Variants in LCN10 observed in about 807,000 individuals in gnomAD.
The protein encoded by LCN10 is epididymal-specific lipocalin-10.
A neutral mutation model predicts 25.1 loss-of-function variants in LCN10; 18 were observed. The ratio of observed to expected loss-of-function variants is 0.72; its 90% confidence interval spans 0.50 to 1.06. The LOEUF is 1.06. LCN10 is among the 50% of genes least tolerant of loss of function. The probability of loss-of-function intolerance (pLI) is 0.00; values close to 1 mark genes in which losing one functional copy is unlikely to be tolerated. For synonymous variants in LCN10, 130 were observed against 116.7 expected (o/e 1.11, Z -0.73); for missense variants, 257 against 258.9 (o/e 0.99, Z 0.05).
At position 136,739,866 on chromosome 9, in the gene LCN10, A is replaced by G. The variant is rs1846895932; in HGVS notation, c.574+84T>C. ...TGGCACCTTTCAAATGGATCCTTTC[A>G]TCTCTCCTTCCCCCAATGAATCAGC... On this transcript the variant is annotated intron_variant, in intron 5 of 5. Coordinates refer to ENST00000497771, the MANE Select transcript of LCN10 (RefSeq NM_001001712.3). This position sits in a 1 kb window ranked among gnomAD's most constrained non-coding sequence, Gnocchi z 6.1. The G allele has an allele frequency of 1.8e-6, 2 of 1,123,476 alleles. No homozygotes were observed. The highest frequency in any genetic ancestry group is 1.3e-5 in the South Asian group (1 of 75,548). 69.6% of individuals were successfully genotyped at this position (1,123,476 alleles called of 1,614,324 possible).
Position 136,740,485 on chromosome 9 carries a change from C to G in LCN10, c.475+351G>C. 1 of 447,352 alleles carries G rather than the reference C, an allele frequency of 2.2e-6. No individual in the cohort carries two copies. The highest frequency in any genetic ancestry group is 1.9e-5 in the African/African-American group (1 of 51,342). 27.7% of individuals were successfully genotyped at this position (447,352 alleles called of 1,614,324 possible). ...CACACTGGGTCACTTCCACACCCCT[C>G]CATCCCGGGCAGACCCTTACCTGGG... On this transcript the variant is annotated intron_variant, in intron 4 of 5. Coordinates refer to ENST00000497771, the MANE Select transcript of LCN10 (RefSeq NM_001001712.3). This position sits in a 1 kb window ranked among gnomAD's most constrained non-coding sequence, Gnocchi z 5.3.
At position 136,741,278 on chromosome 9, in the gene LCN10, G is replaced by A. The variant is rs577955396; in HGVS notation, c.341C>T (p.Ala114Val). The change falls in exon 3 of 6, where the codon GCG (alanine) becomes GTG (valine). Residue 114 changes from alanine (A) to valine (V), a missense_variant. Coordinates refer to ENST00000497771, the MANE Select transcript of LCN10 (RefSeq NM_001001712.3). ...PVFGNACAYA[A>V]GPREGQEGVK... The stretch of plus-strand genomic sequence containing the variant: ...TCCCTCCTGTCCTTCCCTCGGGCCC[G>A]CCGCGTATGCACAGGCGTTCCCAAA... 192 of 1,613,508 alleles carry A rather than the reference G, an allele frequency of 1.2e-4. 1 individual carries two copies. The highest frequency in any genetic ancestry group is 9.6e-4 in the South Asian group (87 of 91,082).
rs1020078983 is a variant in LCN10 at position 136,740,455 on chromosome 9, T to C, written c.475+381A>G. ...TGTCTAGAATTGGGTTTGTGGCCCTTAACCCACACTGGGTCACTTCCACAC... is the reference window on the plus strand; with the variant it reads ...TGTCTAGAATTGGGTTTGTGGCCCTCAACCCACACTGGGTCACTTCCACAC... On this transcript the variant is annotated intron_variant, in intron 4 of 5. Coordinates refer to ENST00000497771, the MANE Select transcript of LCN10 (RefSeq NM_001001712.3). The surrounding 1 kb of genome is among the most constrained non-coding windows in gnomAD (Gnocchi z 5.3). 2.3e-6 allele frequency: 1 copy of C among 430,368 alleles called. No individual in the cohort carries two copies. The allele number at this position is 430,368 out of a possible 1,614,324, so 26.7% of individuals were successfully genotyped here.
chr9:136,741,514 A>G lies in LCN10; in HGVS notation c.258-153T>C, dbSNP rs374918744. 43 of 628,242 alleles carry G rather than the reference A, an allele frequency of 6.8e-5. No individual in the cohort carries two copies. In the South Asian group the frequency reaches 7.7e-4, roughly 11 times the overall value. 38.9% of individuals were successfully genotyped at this position (628,242 alleles called of 1,614,324 possible). A position where few individuals can be genotyped will look rare whatever the true frequency, so the allele number is the denominator to read the frequency against. On this transcript the variant is annotated intron_variant, in intron 2 of 5. Coordinates refer to ENST00000497771, the MANE Select transcript of LCN10 (RefSeq NM_001001712.3). ...CAGGTCCCCAGTTTTTTGCTTCACT[A>G]TCCAACTCGTGTCAATCTGAGGCTC...
rs1374137593 is a variant in LCN10, at chr9:136,738,892, C to A, written c.*633G>T. 6.5e-6 allele frequency: 1 copy of A among 153,432 alleles called. No individual in the cohort carries two copies. The highest frequency in any genetic ancestry group is 1.5e-5 in the Non-Finnish European group (1 of 68,898). The allele number at this position is 153,432 out of a possible 1,614,324, so 9.5% of individuals were successfully genotyped here. ...GCTGCCCTGGATGGAATGAGTCAGACCTGCTGTTGTGGGGCCCTGGCCGCG... is the reference window on the plus strand; with the variant it reads ...GCTGCCCTGGATGGAATGAGTCAGAACTGCTGTTGTGGGGCCCTGGCCGCG... On this transcript the variant is annotated 3_prime_UTR_variant, in exon 6 of 6. Coordinates refer to ENST00000497771, the MANE Select transcript of LCN10 (RefSeq NM_001001712.3).
intron 3 of LCN10, 49 bp downstream of exon 3, chr9:136,741,203 G>T (rs1157339310): frequency 1.3e-6 from 2 of 1,517,702 alleles, no homozygotes; most frequent in Non-Finnish European, 1.8e-6. Context: ...GCACAGGGGG[G>T]TCAGAGGCAT....
At position 136,741,249 on chromosome 9, in the gene LCN10, C is replaced by T. The variant is rs757713236; in HGVS notation, c.367+3G>A. The T allele has an allele frequency of 3.1e-6, 5 of 1,612,902 alleles. No homozygotes were observed. The East Asian group carries it at 1.1e-4, about 36-fold the overall frequency. On this transcript the variant is annotated splice_donor_region_variant and intron_variant, in intron 3 of 5. Coordinates refer to ENST00000497771, the MANE Select transcript of LCN10 (RefSeq NM_001001712.3). ...TCCTCCAGGGCCCAGAGCCCAAGCACACCTCCCTCCTGTCCTTCCCTCGGG... is the reference window on the plus strand; with the variant it reads ...TCCTCCAGGGCCCAGAGCCCAAGCATACCTCCCTCCTGTCCTTCCCTCGGG...
rs1846883275 is a variant in LCN10, at chr9:136,739,314, C to T, written c.*211G>A. ...GACAGTGGGGAAGGGGCCTGGCTGA[C>T]ATCTCGCCACCCGGTCAGCCTGTAT... is the stretch of plus-strand genomic sequence containing the variant. On this transcript the variant is annotated 3_prime_UTR_variant, in exon 6 of 6. Coordinates refer to ENST00000497771, the MANE Select transcript of LCN10 (RefSeq NM_001001712.3). This position sits in a 1 kb window ranked among gnomAD's most constrained non-coding sequence, Gnocchi z 6.1. 1 of 576,674 alleles carries T rather than the reference C, an allele frequency of 1.7e-6. No individual in the cohort carries two copies. Among genetic ancestry groups the T allele is most frequent in the African/African-American group, 1.9e-5 (1 of 53,418 alleles). The allele number at this position is 576,674 out of a possible 1,614,324, so 35.7% of individuals were successfully genotyped here.
Position 136,740,364 on chromosome 9 carries a change from C to T in LCN10, c.476-316G>A. On this transcript the variant is annotated intron_variant, in intron 4 of 5. Coordinates refer to ENST00000497771, the MANE Select transcript of LCN10 (RefSeq NM_001001712.3). The surrounding 1 kb of genome is among the most constrained non-coding windows in gnomAD (Gnocchi z 5.3). ...CCCTGCCTCGACTGAGACCCCAGGA[C>T]CCCACCTCCCCTCTACCCGTTCCAA... is the stretch of plus-strand genomic sequence containing the variant. 1 of 473,554 alleles carries T rather than the reference C, an allele frequency of 2.1e-6. No individual in the cohort carries two copies. Among genetic ancestry groups the T allele is most frequent in the East Asian group, 3.9e-5 (1 of 25,390 alleles). The allele number at this position is 473,554 out of a possible 1,614,324, so 29.3% of individuals were successfully genotyped here.
Position 136,740,847 on chromosome 9 carries a change from A to G in LCN10, c.464T>C (p.Leu155Pro), listed in dbSNP as rs974339315. Residue 155 changes from leucine to proline, a missense_variant, in exon 4 of 6, where the codon CTG becomes CCG. Transcript: ENST00000497771. This position sits in a 1 kb window ranked among gnomAD's most constrained non-coding sequence, Gnocchi z 5.3. ...LGRATQNYKN[L>P]LLFHRQNVSS... The stretch of plus-strand genomic sequence containing the variant: ...CTGTGCCTGCTCACGGAAGAGCAGC[A>G]GGTTCTTGTAGTTTTGGGTTGCACG... The G allele has an allele frequency of 1.2e-6, 2 of 1,612,530 alleles. No individual in the cohort carries two copies. The highest frequency in any genetic ancestry group is 2.7e-5 in the African/African-American group (2 of 75,000).
rs73554079 is a variant in LCN10 at position 136,741,140 on chromosome 9, C to G, written c.367+112G>C. On this transcript the variant is annotated intron_variant, in intron 3 of 5. Transcript: ENST00000497771. ...TGACGTGTGGGCTCTGGGAACACAGCCAGCCTGACGCCTGCCTGCCACGTG... is the reference window on the plus strand; with the variant it reads ...TGACGTGTGGGCTCTGGGAACACAGGCAGCCTGACGCCTGCCTGCCACGTG... 4.5e-3 allele frequency: 4,975 copies of G among 1,099,008 alleles called. 166 individuals carry two copies. In the African/African-American group the frequency reaches 0.067, roughly 15 times the overall value. 68.1% of individuals were successfully genotyped at this position (1,099,008 alleles called of 1,614,324 possible).
In LCN10 at chr9:136,741,348, G is replaced by A. The variant is rs1439704985; in HGVS notation, c.271C>T (p.Gln91Ter). Residue 91 changes from glutamine to a stop codon, truncating the protein, a stop_gained, in exon 3 of 6, where the codon CAG (glutamine) becomes TAG (stop). Coordinates refer to ENST00000497771, the MANE Select transcript of LCN10 (RefSeq NM_001001712.3). LOFTEE classifies it high-confidence loss of function. ...LLAFRRLKGC[Q>*]SQEVILRKDG... ...TTCCTCAGGATCACCTCCTGGGACT[G>A]GCACCCCTTCAACCTGGGGCCAAGG... is the stretch of plus-strand genomic sequence containing the variant. 9 of 1,612,000 alleles carry A rather than the reference G, an allele frequency of 5.6e-6. No individual in the cohort carries two copies. Among genetic ancestry groups the A allele is most frequent in the Non-Finnish European group, 7.6e-6 (9 of 1,179,618 alleles).
chr9:136,741,073 C>A, intron 3 of LCN10, 130 bp from the exon 4 acceptor site: 1 of 1,004,160 alleles, frequency 1.0e-6, no homozygotes, highest in Non-Finnish European at 1.5e-6. Flanking sequence ...GGACTGAGTG[C>A]CCTCCCGGGG....
rs1176498553 is a variant in LCN10, at chr9:136,740,703, G to T, written c.475+133C>A. Reference sequence around the variant, plus strand: ...TGTGGTCTCGGCTTCCATTGCCCCTGCCCTGACCACCGCCCCAACCCCCAC... The same window carrying T: ...TGTGGTCTCGGCTTCCATTGCCCCTTCCCTGACCACCGCCCCAACCCCCAC... On this transcript the variant is annotated intron_variant, in intron 4 of 5. Transcript: ENST00000497771. This position sits in a 1 kb window ranked among gnomAD's most constrained non-coding sequence, Gnocchi z 5.3. 2 of 662,930 alleles carry T rather than the reference G, an allele frequency of 3.0e-6. No individual in the cohort carries two copies. Among genetic ancestry groups the T allele is most frequent in the African/African-American group, 3.6e-5 (2 of 54,948 alleles). The allele number at this position is 662,930 out of a possible 1,614,324, so 41.1% of individuals were successfully genotyped here. A position where few individuals can be genotyped will look rare whatever the true frequency, so the allele number is the denominator to read the frequency against.
rs762213638 is a variant in LCN10 at position 136,740,999 on chromosome 9, C to T, written c.368-56G>A. The T allele has an allele frequency of 2.9e-5, 42 of 1,458,722 alleles. No homozygotes were observed. Among genetic ancestry groups the T allele is most frequent in the Non-Finnish European group, 3.9e-5 (41 of 1,047,744 alleles). The allele number at this position is 1,458,722 out of a possible 1,614,324, so 90.4% of individuals were successfully genotyped here. ...TTCCCGGATGGCGTGGCTGTGCCCG[C>T]CCACAGCCCTGACCCCTGGTGCCCG... On this transcript the variant is annotated intron_variant, in intron 3 of 5. Transcript: ENST00000497771. The surrounding 1 kb of genome is among the most constrained non-coding windows in gnomAD (Gnocchi z 5.3).
In LCN10 at chr9:136,740,282, A is replaced by G. The variant is rs12684980; in HGVS notation, c.476-234T>C. On this transcript the variant is annotated intron_variant, in intron 4 of 5. Transcript: ENST00000497771. This position sits in a 1 kb window ranked among gnomAD's most constrained non-coding sequence, Gnocchi z 5.3. ...CACCTGGGGAACCCTCTCTGCCTGC[A>G]GAGTCCCCTCCAGCCAGCCCCTCAG... The G allele has an allele frequency of 0.16, 90,834 of 560,332 alleles. 7,874 individuals carry two copies. The highest frequency in any genetic ancestry group is 0.26 in the East Asian group (8,401 of 32,640). The allele number at this position is 560,332 out of a possible 1,614,324, so 34.7% of individuals were successfully genotyped here.
At chr9:136,741,714 C>T (rs1428707016) in intron 2 of LCN10, 167 bp downstream of exon 2, 8 of 968,270 alleles carry the variant, frequency 8.3e-6, no homozygotes, top group East Asian at 7.9e-5. Context: ...CATGTGGGGT[C>T]CCAGGGGCTG....
chr9:136,741,612 G>A (rs1021753232), intron 2 of LCN10: 82 of 608,942 alleles, frequency 1.3e-4, no homozygotes, highest in Non-Finnish European at 2.0e-4. Context: ...ACACCCACCC[G>A]TGTGGGGCCC....
intron 2 of LCN10, 162 bp from the exon 3 acceptor site, chr9:136,741,523 G>T (rs567894957): frequency 1.6e-6 from 1 of 620,676 alleles, no homozygotes; most frequent in Non-Finnish European, 2.8e-6. Flanking sequence ...TATCCAACTC[G>T]TGTCAATCTG....
Sources: allele counts gnomAD v4.1 joint callset, GRCh38; gene constraint gnomAD v4.1.1; non-coding constraint Gnocchi (gnomAD v3.1); transcripts MANE v1.5; gene names NCBI Gene and HGNC (gene_info 2026-07-23, HGNC 2026-07-21).